Variants in SOX5 observed in about 807,000 individuals in gnomAD.
SOX5 encodes SRY-box transcription factor 5.
Under a neutral mutation model 92.0 loss-of-function variants are expected in SOX5, and 9 were observed. The observed-to-expected ratio is 0.10, with a 90% CI of 0.06 to 0.17. The LOEUF (loss-of-function observed/expected upper bound fraction) is 0.17. SOX5 is among the 10% of genes least tolerant of loss of function. The probability of loss-of-function intolerance (pLI) is 1.00; values close to 1 mark genes in which losing one functional copy is unlikely to be tolerated. For missense variants in SOX5, 642 were observed against 944.5 expected (o/e 0.68, Z 4.20); for synonymous variants, 344 against 336.3 (o/e 1.02, Z -0.25).
chr12:23,793,520 A>G (rs1205477570), intron 3 of SOX5, among the ~76,000 whole-genome samples: 1 of 152,176 alleles, frequency 6.6e-6, no homozygotes, highest in African/African-American at 2.4e-5. Context: ...AACAAATAAA[A>G]CTATTCTGTA....
intron 4 of SOX5, among the ~76,000 whole-genome samples, chr12:24,061,814 C>T (rs1295799734): frequency 6.6e-6 from 1 of 150,898 alleles, no homozygotes; most frequent in Non-Finnish European, 1.5e-5. Context: ...ATGTAAGAAG[C>T]AAGAATGGTT....
chr12:23,937,212 A>G (rs1281647842), intron 1 of SOX5, among the ~76,000 whole-genome samples: 2 of 150,976 alleles, frequency 1.3e-5, no homozygotes, highest in African/African-American at 4.8e-5. Flanking sequence ...TTACTTAGTC[A>G]AAAATTTATG....
intron 1 of SOX5, among the ~76,000 whole-genome samples, chr12:24,549,026 T>C (rs1566446890): frequency 6.6e-6 from 1 of 152,138 alleles, no homozygotes; most frequent in African/African-American, 2.4e-5. Flanking sequence ...CTTCTAATTC[T>C]AAGAACACAC....
intron 3 of SOX5, among the ~76,000 whole-genome samples, chr12:23,777,888 G>A (rs147134611): frequency 6.6e-6 from 1 of 152,316 alleles, no homozygotes; most frequent in African/African-American, 2.4e-5. Flanking sequence ...TATTCCCTTA[G>A]TTGGTCTCAG....
In SOX5 at chr12:24,115,172, A is replaced by G. The variant is rs559662431; in HGVS notation, c.-2+98171T>C. ...AAAGTAAAGCAGAAGAACTCAATAC[A>G]TAAGACATTAACATTCTTAAAACAA... On this transcript the variant is annotated intron_variant, in intron 4 of 4. Transcript: ENST00000446891. Among the ~76,000 whole-genome samples, 4 of 152,332 alleles carry G rather than the reference A, an allele frequency of 2.6e-5. No homozygotes were observed. In the Middle Eastern group the frequency reaches 0.01, roughly 389 times the overall value.
At chr12:23,971,022 A>C (rs1333746234) in intron 4 of SOX5, among the ~76,000 whole-genome samples, 1 of 147,196 alleles carries the variant, frequency 6.8e-6, no homozygotes, top group Non-Finnish European at 1.5e-5. Flanking sequence ...TCCTACCTGA[A>C]ATGTATGAGG....
chr12:23,584,258 T>C (rs1377460799), intron 9 of SOX5, among the ~76,000 whole-genome samples: 1 of 151,978 alleles, frequency 6.6e-6, no homozygotes. Flanking sequence ...AAACCACTGA[T>C]GAAAATATTA....
chr12:23,570,931 ATATATATATATATATATATATATATAT>A lies in SOX5; in HGVS notation c.1342+4703_1342+4729del, dbSNP rs1454758390. 1.0e-3 allele frequency among the ~76,000 whole-genome samples: 17 copies of A among 16,800 alleles called. 1 individual carries two copies. Among genetic ancestry groups the A allele is most frequent in the African/African-American group, 5.4e-3 (14 of 2,594 alleles). 11.0% of individuals were successfully genotyped at this position (16,800 alleles called of 152,430 possible). A position where few individuals can be genotyped will look rare whatever the true frequency, so the allele number is the denominator to read the frequency against. On this transcript the variant is annotated intron_variant, in intron 10 of 14. Transcript: ENST00000451604. ...AACTCAAAAAAAAAAAAAAAAAAAAATATATATATATATATATATATATATATATATATATATATATATATATATATA... is the reference window on the plus strand; with the variant it reads ...AACTCAAAAAAAAAAAAAAAAAAAAAATATATATATATATATATATATATA...
chr12:23,976,620 G>A (rs1027036813), intron 4 of SOX5, among the ~76,000 whole-genome samples: 3 of 152,182 alleles, frequency 2.0e-5, no homozygotes, highest in East Asian at 1.9e-4. Context: ...CTTGCGATGT[G>A]ATGTGGAAGT....
At chr12:24,490,835 C>T (rs1313684585) in intron 1 of SOX5, among the ~76,000 whole-genome samples, 1 of 152,160 alleles carries the variant, frequency 6.6e-6, no homozygotes, top group East Asian at 1.9e-4. Flanking sequence ...CTCTAATATT[C>T]CTTTTATGCC....
chr12:24,112,222 G>A (rs1947438061), intron 4 of SOX5, among the ~76,000 whole-genome samples: 1 of 152,184 alleles, frequency 6.6e-6, no homozygotes, highest in Non-Finnish European at 1.5e-5. Flanking sequence ...GAATCTCAAA[G>A]ACCAGGGTTT....
At chr12:23,605,931 G>T (rs187324727) in intron 8 of SOX5, among the ~76,000 whole-genome samples, 2 of 151,622 alleles carry the variant, frequency 1.3e-5, no homozygotes. Flanking sequence ...GTCTCATAAG[G>T]GTTTTATGTG....
chr12:24,124,014 G>C (rs936407576), intron 4 of SOX5, among the ~76,000 whole-genome samples: 1 of 152,202 alleles, frequency 6.6e-6, no homozygotes, highest in African/African-American at 2.4e-5. Flanking sequence ...CAATTGCATG[G>C]CTGGTTAAAA....
intron 4 of SOX5, among the ~76,000 whole-genome samples, chr12:23,980,724 T>C (rs1949497242): frequency 1.3e-5 from 2 of 152,158 alleles, no homozygotes; most frequent in African/African-American, 2.4e-5. Flanking sequence ...CTGTATCTTA[T>C]GTTTGTCCCC....
chr12:24,327,693 C>G (rs1950871389), intron 2 of SOX5, among the ~76,000 whole-genome samples: 1 of 152,040 alleles, frequency 6.6e-6, no homozygotes, highest in African/African-American at 2.4e-5. Context: ...ACGCTATTCT[C>G]CTGCCTCAGC....
At chr12:23,594,693 G>A (rs1952085910) in intron 9 of SOX5, among the ~76,000 whole-genome samples, 1 of 152,116 alleles carries the variant, frequency 6.6e-6, no homozygotes, top group South Asian at 2.1e-4. Context: ...ATAATTCAAA[G>A]TCCTGAACAT....
At chr12:24,248,353 A>G (rs1939310717) in intron 3 of SOX5, among the ~76,000 whole-genome samples, 1 of 152,206 alleles carries the variant, frequency 6.6e-6, no homozygotes, top group South Asian at 2.1e-4. Flanking sequence ...GGGCTGCCAA[A>G]AATTGGAAAT....
chr12:24,383,108 C>T lies in SOX5; in HGVS notation c.-250-14469G>A, dbSNP rs151089761. 4.6e-5 allele frequency among the ~76,000 whole-genome samples: 7 copies of T among 152,218 alleles called. No individual in the cohort carries two copies. The East Asian group carries it at 7.7e-4, about 17-fold the overall frequency. On this transcript the variant is annotated intron_variant, in intron 1 of 4. Coordinates refer to the SOX5 transcript ENST00000446891. ...TATTGATTGTGATTGATTGAGAATG[C>T]GATCTCCCTATATTGCCAAGGCTGG...
At chr12:23,886,897 G>T (rs369341330) in intron 2 of SOX5, among the ~76,000 whole-genome samples, 199 of 152,234 alleles carry the variant, frequency 1.3e-3, no homozygotes, top group African/African-American at 4.5e-3. Context: ...ATTTACTTAG[G>T]TAAGATTTTG....
Sources: gnomAD v4.1 joint callset for allele counts (sites outside exome capture counted in the v4.1 genomes callset) on GRCh38, gnomAD v4.1.1 for gene constraint, MANE v1.5 for transcripts, NCBI Gene and HGNC (gene_info 2026-07-23, HGNC 2026-07-21) for gene names.